TGFBI: variants seen among roughly 807,000 people sequenced by gnomAD.
The protein encoded by TGFBI is transforming growth factor-beta-induced protein ig-h3.
In TGFBI, 50 loss-of-function variants were observed where a neutral mutation model predicts 73.7. The observed-to-expected ratio is 0.68, with a 90% CI of 0.54 to 0.86. The LOEUF is 0.86. Among genes scored for constraint, TGFBI ranks in the 40% least tolerant of loss-of-function variants. The pLI is 0.00. For missense variants in TGFBI, 839 were observed against 877.0 expected, an observed-to-expected ratio of 0.96 and a Z score of 0.55; for synonymous variants, 362 against 360.5, an observed-to-expected ratio of 1.00 and a Z score of -0.05.
intron 7 of TGFBI, 181 bp downstream of exon 7, chr5:136,049,761 A>T: frequency 3.0e-6 from 2 of 656,978 alleles, no homozygotes; most frequent in Non-Finnish European, 5.1e-6. Context: ...TAGCAGCCAC[A>T]CTACTCTGAG....
intron 5 of TGFBI, 107 bp from the exon 6 acceptor site, chr5:136,047,167 A>G: frequency 1.3e-6 from 2 of 1,547,178 alleles, no homozygotes; most frequent in Non-Finnish European, 1.8e-6. Context: ...CAGCTTGTGG[A>G]ACCCACATTT....
intron 10 of TGFBI, 48 bp from the exon 11 acceptor site, chr5:136,055,632 C>T (rs759243812): frequency 1.3e-5 from 19 of 1,499,288 alleles, no homozygotes; most frequent in African/African-American, 2.7e-5. Flanking sequence ...GGAGGCCCCT[C>T]GTGGAAGTAT....
Position 136,047,317 on chromosome 5 carries a change from A to T in TGFBI, c.668A>T (p.His223Leu). The change falls in exon 6 of 17, where the codon CAT becomes CTT. Residue 223 changes from histidine (H) to leucine (L), a missense_variant. Transcript: ENST00000442011. ...NCARLLKADHHATNGVVHLID... is the reference protein window; with the variant it reads ...NCARLLKADHLATNGVVHLID... ...GCCCGGCTGCTGAAAGCCGACCACC[A>T]TGCAACCAACGGGGTGGTGCACCTC... 6.2e-7 allele frequency: 1 copy of T among 1,613,852 alleles called. No individual in the cohort carries two copies. The highest frequency in any genetic ancestry group is 8.5e-7 in the Non-Finnish European group (1 of 1,179,862).
chr5:136,056,929 C>A lies in TGFBI; in HGVS notation c.1678+134C>A, dbSNP rs540757952. ...ACAAGACTATTAGTGAAAGAGTGGG[C>A]GGGACTAAAGGAACTAGCAAAGGAT... is the stretch of plus-strand genomic sequence containing the variant. On this transcript the variant is annotated intron_variant, in intron 12 of 16. Transcript: ENST00000442011. 7 of 1,218,988 alleles carry A rather than the reference C, an allele frequency of 5.7e-6. No homozygotes were observed. The African/African-American group carries it at 1.1e-4, about 19-fold the overall frequency. 75.5% of individuals were successfully genotyped at this position (1,218,988 alleles called of 1,614,324 possible).
intron 2 of TGFBI, among the ~76,000 whole-genome samples, chr5:136,038,059 A>G (rs1751262068): frequency 6.6e-6 from 1 of 152,204 alleles, no homozygotes; most frequent in African/African-American, 2.4e-5. Context: ...GGATCTCTTG[A>G]ATAATCTGCT....
Position 136,047,394 on chromosome 5 carries a change from A to T in TGFBI, c.745A>T (p.Ile249Phe). The T allele has an allele frequency of 6.2e-7, 1 of 1,613,884 alleles. No homozygotes were observed. The highest frequency in any genetic ancestry group is 1.1e-5 in the South Asian group (1 of 91,072). Residue 249 changes from isoleucine to phenylalanine, a missense_variant, in exon 6 of 17, where the codon ATC (isoleucine) becomes TTC (phenylalanine). Coordinates refer to ENST00000442011, the MANE Select transcript of TGFBI (RefSeq NM_000358.3). ...ITNNIQQIIE[I>F]EDTFETLRAA... ...CAACAACATCCAGCAGATCATTGAG[A>T]TCGAGGACACCTTTGAGACCCTTCG... is the stretch of plus-strand genomic sequence containing the variant.
intron 7 of TGFBI, among the ~76,000 whole-genome samples, chr5:136,050,694 C>T (rs144742435): frequency 1.1e-4 from 16 of 152,192 alleles, no homozygotes; most frequent in African/African-American, 3.9e-4. Context: ...TATTTAAACC[C>T]ACCGTGTCAA....
intron 2 of TGFBI, among the ~76,000 whole-genome samples, chr5:136,042,986 G>A (rs1162011396): frequency 2.6e-5 from 4 of 152,198 alleles, no homozygotes; most frequent in Non-Finnish European, 4.4e-5. Flanking sequence ...GTCATTAAAC[G>A]CCCTTTGAGA....
intron 12 of TGFBI, 120 bp from the exon 13 acceptor site, chr5:136,058,970 C>A: frequency 7.7e-7 from 1 of 1,304,478 alleles, no homozygotes; most frequent in Non-Finnish European, 1.0e-6. Flanking sequence ...TGCTTATTCC[C>A]TGGGCAGGGA....
At chr5:136,053,746 C>A (rs1382755086) in intron 8 of TGFBI, among the ~76,000 whole-genome samples, 197 bp from the exon 9 acceptor site, 2 of 152,202 alleles carry the variant, frequency 1.3e-5, no homozygotes, top group African/African-American at 4.8e-5. Context: ...CCTCTCCTCC[C>A]TCTCCTCCTG....
At chr5:136,056,932 G>A in intron 12 of TGFBI, 137 bp downstream of exon 12, 3 of 1,200,250 alleles carry the variant, frequency 2.5e-6, no homozygotes, top group South Asian at 1.6e-5. Context: ...GAGTGGGCGG[G>A]ACTAAAGGAA....
At chr5:136,047,611 T>C (rs1005966952) in intron 6 of TGFBI, 191 bp downstream of exon 6, 103 of 683,782 alleles carry the variant, frequency 1.5e-4, no homozygotes, top group Non-Finnish European at 2.2e-4. Context: ...CCTGTGAAAT[T>C]CTCCATCTTC....
intron 11 of TGFBI, 123 bp downstream of exon 11, chr5:136,055,939 C>G: frequency 9.7e-7 from 1 of 1,026,826 alleles, no homozygotes; most frequent in Non-Finnish European, 1.3e-6. Flanking sequence ...TAGCAGTGCA[C>G]TGCTGCGACC....
At chr5:136,033,280 T>C (rs1408876479) in intron 1 of TGFBI, among the ~76,000 whole-genome samples, 3 of 152,176 alleles carry the variant, frequency 2.0e-5, no homozygotes, top group Admixed American at 6.5e-5. Flanking sequence ...ATCTAAGTAA[T>C]GAACAACTGA....
In TGFBI at chr5:136,061,593, T is replaced by G; in HGVS notation, c.1986+14T>G. The G allele has an allele frequency of 6.2e-7, 1 of 1,612,154 alleles. No homozygotes were observed. Among genetic ancestry groups the G allele is most frequent in the Non-Finnish European group, 8.5e-7 (1 of 1,178,526 alleles). On this transcript the variant is annotated intron_variant, in intron 15 of 16. Coordinates refer to ENST00000442011, the MANE Select transcript of TGFBI (RefSeq NM_000358.3). The stretch of plus-strand genomic sequence containing the variant: ...GCGTTTTCCAGGGTAAGATGCCTGC[T>G]AGGTTTGCGCCTAGCCTGAGCAGCC...
intron 12 of TGFBI, 23 bp from the exon 13 acceptor site, chr5:136,059,067 T>C: frequency 6.2e-7 from 1 of 1,606,316 alleles, no homozygotes; most frequent in Non-Finnish European, 8.5e-7. Flanking sequence ...ATTAACTCTA[T>C]CTCCTTTTCC....
intron 1 of TGFBI, among the ~76,000 whole-genome samples, chr5:136,031,862 T>C (rs1561604915): frequency 6.6e-6 from 1 of 152,048 alleles, no homozygotes; most frequent in African/African-American, 2.4e-5. Context: ...AAGGAGAGGG[T>C]CACAGCCGCC....
At chr5:136,044,886 G>A (rs1055854127) in intron 3 of TGFBI, 9 of 152,184 alleles carry the variant, frequency 5.9e-5, no homozygotes, top group African/African-American at 2.2e-4. Context: ...GTATTTGCAT[G>A]TAATCTATGC....
Position 136,054,062 on chromosome 5 carries a change from C to G in TGFBI, c.1246C>G (p.Leu416Val), listed in dbSNP as rs1360814226. Residue 416 changes from leucine to valine, a missense_variant, in exon 9 of 17, where the codon CTG (leucine) becomes GTG (valine). Coordinates refer to ENST00000442011, the MANE Select transcript of TGFBI (RefSeq NM_000358.3). ...GSERLTLLAP[L>V]NSVFKDGTPP... The stretch of plus-strand genomic sequence containing the variant: ...TGAGCGGTTGACCCTCCTGGCTCCC[C>G]TGAATTCTGTATTCAAAGGTAACAT... The G allele has an allele frequency of 3.7e-6, 6 of 1,613,756 alleles. No individual in the cohort carries two copies. Among genetic ancestry groups the G allele is most frequent in the Non-Finnish European group, 4.2e-6 (5 of 1,179,784 alleles).
Sources: gnomAD v4.1 joint callset for allele counts (sites outside exome capture counted in the v4.1 genomes callset) on GRCh38, gnomAD v4.1.1 for gene constraint, MANE v1.5 for transcripts, NCBI Gene and HGNC (gene_info 2026-07-23, HGNC 2026-07-21) for gene names.